TXLNB: variants seen among roughly 807,000 people sequenced by gnomAD.
The protein encoded by TXLNB is beta-taxilin.
Under a neutral mutation model 57.4 loss-of-function variants are expected in TXLNB, and 37 were observed. That is an observed-to-expected ratio of 0.64 (90% CI 0.50 to 0.85). The LOEUF (loss-of-function observed/expected upper bound fraction) is 0.85, where lower values mean the gene tolerates loss of function less well. Among genes scored for constraint, TXLNB ranks in the 40% least tolerant of loss-of-function variants. The pLI is 0.00. For synonymous variants in TXLNB, 302 were observed against 309.6 expected, an observed-to-expected ratio of 0.98 and a Z score of 0.26; for missense variants, 848 against 825.6, an observed-to-expected ratio of 1.03 and a Z score of -0.33.
At chr6:139,288,993 C>T (rs1777245707) in intron 1 of TXLNB, 80 bp from the exon 2 acceptor site, 2 of 1,023,882 alleles carry the variant, frequency 2.0e-6, no homozygotes, top group Non-Finnish European at 2.8e-6. Context: ...GTAAGGATAT[C>T]CCCCAAGTGA....
At chr6:139,264,330 A>G (rs1156776122) in intron 4 of TXLNB, among the ~76,000 whole-genome samples, 1 of 152,190 alleles carries the variant, frequency 6.6e-6, no homozygotes, top group Non-Finnish European at 1.5e-5. Flanking sequence ...TCAGAACTAC[A>G]GACCATGATT....
chr6:139,186,571 A>C, the TXLNB span, among the ~76,000 whole-genome samples: 1 of 152,216 alleles, frequency 6.6e-6, no homozygotes, highest in South Asian at 2.1e-4. Flanking sequence ...AGTTTTCTTA[A>C]AAAGTTAAAC....
the TXLNB span, among the ~76,000 whole-genome samples, chr6:139,213,216 C>T: frequency 6.6e-6 from 1 of 152,178 alleles, no homozygotes; most frequent in East Asian, 1.9e-4. Context: ...AAATTGACCA[C>T]ATAGTTGGAA....
rs1582985700 is a variant in TXLNB at position 139,242,049 on chromosome 6, A to C, written c.*477T>G. 1 of 120,490 alleles carries C rather than the reference A, an allele frequency of 8.3e-6. No homozygotes were observed. The highest frequency in any genetic ancestry group is 2.0e-4 in the East Asian group (1 of 4,908). The allele number at this position is 120,490 out of a possible 1,614,324, so 7.5% of individuals were successfully genotyped here. ...CATCTATACATACGTGTATATATAC[A>C]TATAATAAGTACACACGTATGTATA... On this transcript the variant is annotated 3_prime_UTR_variant, in exon 10 of 10. Coordinates refer to ENST00000358430, the MANE Select transcript of TXLNB (RefSeq NM_153235.4).
At chr6:139,176,815 T>A in the TXLNB span, 1 of 646,152 alleles carries the variant, frequency 1.5e-6, no homozygotes, top group Non-Finnish European at 2.8e-6. The surrounding 1 kb of genome is among the most constrained non-coding windows in gnomAD (Gnocchi z 4.5). Flanking sequence ...CGTTTCCATG[T>A]TTTTGGTAGT....
At chr6:139,232,209 T>C in the TXLNB span, among the ~76,000 whole-genome samples, 1 of 152,202 alleles carries the variant, frequency 6.6e-6, no homozygotes, top group Non-Finnish European at 1.5e-5. Flanking sequence ...ACATCTTACA[T>C]GGTGGCAGGC....
chr6:139,176,105 C>T, the TXLNB span, among the ~76,000 whole-genome samples: 1 of 152,198 alleles, frequency 6.6e-6, no homozygotes, highest in South Asian at 2.1e-4. This position sits in a 1 kb window ranked among gnomAD's most constrained non-coding sequence, Gnocchi z 4.5. Context: ...AGAGAGATTA[C>T]GTAGTTAAAA....
intron 2 of TXLNB, among the ~76,000 whole-genome samples, chr6:139,278,971 T>A (rs968167033): frequency 9.9e-5 from 15 of 152,172 alleles, no homozygotes; most frequent in African/African-American, 3.6e-4. Flanking sequence ...ACCACTGCAC[T>A]CCACTGCAAA....
upstream of TXLNB, among the ~76,000 whole-genome samples, chr6:139,294,031 G>A (rs534538171): frequency 1.2e-3 from 178 of 152,124 alleles, no homozygotes; most frequent in Non-Finnish European, 2.0e-3. Flanking sequence ...AAATAATGTG[G>A]AAATTATTTG....
At chr6:139,236,081 A>G (rs1775833333), downstream of TXLNB, among the ~76,000 whole-genome samples, 1 of 152,116 alleles carries the variant, frequency 6.6e-6, no homozygotes, top group African/African-American at 2.4e-5. Flanking sequence ...CACCTCACTG[A>G]GAACTACCTC....
chr6:139,242,959 G>T lies in TXLNB; in HGVS notation c.1622C>A (p.Pro541Gln). ...QESADAALKE[P>Q]EQPPLIPSRD... ...TGAAGGGATCAGAGGGGGTTGCTCT[G>T]GCTCCTTGAGAGCGGCGTCAGCACT... is the stretch of plus-strand genomic sequence containing the variant. The change falls in exon 10 of 10, where the codon CCA becomes CAA. Residue 541 changes from proline to glutamine, a missense_variant. Pro to Gln is a moderately conservative substitution (Grantham distance 76). Coordinates refer to ENST00000358430, the MANE Select transcript of TXLNB (RefSeq NM_153235.4). The T allele has an allele frequency of 6.2e-7, 1 of 1,614,152 alleles. No individual in the cohort carries two copies. The highest frequency in any genetic ancestry group is 8.5e-7 in the Non-Finnish European group (1 of 1,180,024).
Position 139,290,458 on chromosome 6 carries a change from T to C in TXLNB, c.-15+1463A>G, listed in dbSNP as rs1777279262. On this transcript the variant is annotated intron_variant, in intron 1 of 9. Coordinates refer to ENST00000358430, the MANE Select transcript of TXLNB (RefSeq NM_153235.4). ...TTTCTATAATACTCTTTTATTCCAATATATAAACCAATTTTTTAAAAGAGA... is the reference window on the plus strand; with the variant it reads ...TTTCTATAATACTCTTTTATTCCAACATATAAACCAATTTTTTAAAAGAGA... 2.6e-5 allele frequency among the ~76,000 whole-genome samples: 4 copies of C among 152,318 alleles called. 1 individual carries two copies. In the South Asian group the frequency reaches 8.3e-4, roughly 32 times the overall value.
downstream of TXLNB, among the ~76,000 whole-genome samples, chr6:139,238,467 A>G (rs1775861144): frequency 6.6e-6 from 1 of 152,216 alleles, no homozygotes; most frequent in Non-Finnish European, 1.5e-5. Flanking sequence ...GTCAAATTTT[A>G]TACCTCCGTA....
intron 3 of TXLNB, 144 bp downstream of exon 3, chr6:139,276,686 C>T (rs1232840024): frequency 6.4e-6 from 4 of 624,590 alleles, no homozygotes; most frequent in Non-Finnish European, 8.3e-6. Context: ...CTGTGGGTCT[C>T]ATAATCTGCA....
At chr6:139,220,361 A>T in the TXLNB span, among the ~76,000 whole-genome samples, 1 of 152,200 alleles carries the variant, frequency 6.6e-6, no homozygotes, top group East Asian at 1.9e-4. Flanking sequence ...TATTTAATTC[A>T]AACTTCTCAC....
the TXLNB span, among the ~76,000 whole-genome samples, chr6:139,227,547 A>G: frequency 6.6e-6 from 1 of 152,252 alleles, no homozygotes; most frequent in African/African-American, 2.4e-5. Flanking sequence ...GACACATGTC[A>G]TATAACCCAC....
the TXLNB span, among the ~76,000 whole-genome samples, chr6:139,215,714 T>C: frequency 6.6e-6 from 1 of 152,202 alleles, no homozygotes; most frequent in Non-Finnish European, 1.5e-5. Context: ...AGAAAATTTT[T>C]GCAACCTACT....
At chr6:139,181,309 A>T in the TXLNB span, among the ~76,000 whole-genome samples, 1 of 152,264 alleles carries the variant, frequency 6.6e-6, no homozygotes, top group Non-Finnish European at 1.5e-5. Context: ...TTGTTTCAGT[A>T]ACCCATGGTC....
chr6:139,230,265 A>G, the TXLNB span, among the ~76,000 whole-genome samples: 1 of 152,228 alleles, frequency 6.6e-6, no homozygotes, highest in Non-Finnish European at 1.5e-5. Context: ...TATCACAGCA[A>G]AAAATCTCTT....
Sources: gnomAD v4.1 joint callset for allele counts (sites outside exome capture counted in the v4.1 genomes callset) on GRCh38, gnomAD v4.1.1 for gene constraint, Gnocchi (gnomAD v3.1) non-coding constraint, MANE v1.5 for transcripts, NCBI Gene and HGNC (gene_info 2026-07-23, HGNC 2026-07-21) for gene names.